Variants in ZC3HAV1 observed in about 807,000 individuals in gnomAD.
The protein encoded by ZC3HAV1 is zinc finger CCCH-type containing, antiviral 1.
In ZC3HAV1, 41 loss-of-function variants were observed where a neutral mutation model predicts 86.6. The observed-to-expected ratio is 0.47, with a 90% CI of 0.37 to 0.61. The LOEUF is 0.61. Among genes scored for constraint, ZC3HAV1 ranks in the 20% least tolerant of loss-of-function variants. ZC3HAV1 has a pLI of 0.00. For synonymous variants in ZC3HAV1, 421 were observed against 432.1 expected (o/e 0.97, Z 0.32); for missense variants, 964 against 1,141.1 (o/e 0.84, Z 2.24).
chr7:139,102,946 A>G (rs1157693870), intron 1 of ZC3HAV1, among the ~76,000 whole-genome samples: 1 of 135,406 alleles, frequency 7.4e-6, no homozygotes, highest in Non-Finnish European at 1.6e-5. Flanking sequence ...ATATATATGT[A>G]TATGTATATG....
At chr7:139,104,214 AC>A (rs1232618501) in intron 1 of ZC3HAV1, among the ~76,000 whole-genome samples, 5 of 133,560 alleles carry the variant, frequency 3.7e-5, no homozygotes, top group African/African-American at 1.1e-4. Flanking sequence ...CCATCTACCC[AC>A]CCCCACCCAA....
chr7:139,096,896 G>A (rs2130729363), intron 1 of ZC3HAV1, among the ~76,000 whole-genome samples: 1 of 152,270 alleles, frequency 6.6e-6, no homozygotes, highest in South Asian at 2.1e-4. Context: ...AGCTTGGGAG[G>A]CTGAGGAGGG....
At chr7:139,073,301 AAAAT>A (rs1216948452) in intron 7 of ZC3HAV1, among the ~76,000 whole-genome samples, 5 of 152,068 alleles carry the variant, frequency 3.3e-5, no homozygotes, top group South Asian at 2.1e-4. Flanking sequence ...CTCCATCTCA[AAAAT>A]AAATAAATAA....
At chr7:139,079,134 G>T (rs1392121654) in intron 4 of ZC3HAV1, 1 of 1,536,058 alleles carries the variant, frequency 6.5e-7, no homozygotes, top group Non-Finnish European at 8.7e-7. Flanking sequence ...TTCCTTGTGA[G>T]CTCGCTGGCA....
At position 139,108,868 on chromosome 7, in the gene ZC3HAV1, G is replaced by T. The variant is rs1190877072; in HGVS notation, c.308+156C>A. 6.6e-6 allele frequency among the ~76,000 whole-genome samples: 1 copy of T among 152,214 alleles called. No homozygotes were observed. The highest frequency in any genetic ancestry group is 1.5e-5 in the Non-Finnish European group (1 of 68,032). On this transcript the variant is annotated intron_variant, in intron 1 of 12. Coordinates refer to ENST00000242351, the MANE Select transcript of ZC3HAV1 (RefSeq NM_020119.4). The surrounding 1 kb of genome is among the most constrained non-coding windows in gnomAD (Gnocchi z 4.2). ...AAGGTAGAAGCGCGGGCCCTGCAGA[G>T]GCTCCCAGAGGGGAGCAGAGAAGGG... is the stretch of plus-strand genomic sequence containing the variant.
Position 139,084,016 on chromosome 7 carries a change from T to G in ZC3HAV1, c.461A>C (p.Lys154Thr). 1 of 1,613,958 alleles carries G rather than the reference T, an allele frequency of 6.2e-7. No homozygotes were observed. Among genetic ancestry groups the G allele is most frequent in the Non-Finnish European group, 8.5e-7 (1 of 1,179,916 alleles). Residue 154 changes from lysine (K) to threonine (T), a missense_variant, in exon 3 of 13, where the codon AAG becomes ACG. Physicochemically the swap from Lys to Thr is moderately conservative, Grantham distance 78. Coordinates refer to ENST00000242351, the MANE Select transcript of ZC3HAV1 (RefSeq NM_020119.4). ...ACAAATCTGCTGCCGACCCTCTCCC[T>G]TATAACTTTTGCATATCTACAGAAG... The part of the protein sequence containing the change: ...FFMPEICKSY[K>T]GEGRQQICNQ...
intron 1 of ZC3HAV1, among the ~76,000 whole-genome samples, chr7:139,106,372 G>T (rs1218186704): frequency 5.3e-5 from 8 of 152,308 alleles, no homozygotes; most frequent in African/African-American, 1.9e-4. Flanking sequence ...CAGCACTTTG[G>T]GAGGCCTAGG....
intron 1 of ZC3HAV1, among the ~76,000 whole-genome samples, chr7:139,101,943 C>T (rs6944860): frequency 0.021 from 3,230 of 151,838 alleles, 108 homozygotes; most frequent in African/African-American, 0.074. Flanking sequence ...GACCTTCCCT[C>T]CACTATTGTC....
intron 3 of ZC3HAV1, among the ~76,000 whole-genome samples, chr7:139,081,710 T>C (rs1038755972): frequency 4.6e-5 from 7 of 152,246 alleles, no homozygotes; most frequent in African/African-American, 1.4e-4. Flanking sequence ...TTTACCCTCT[T>C]AAGTAAGGCT....
At chr7:139,051,895 GTTGTA>G (rs1253698413) in intron 12 of ZC3HAV1, among the ~76,000 whole-genome samples, 1 of 151,894 alleles carries the variant, frequency 6.6e-6, no homozygotes, top group Admixed American at 6.6e-5. Context: ...TTTAATCCTA[GTTGTA>G]TGAGTTGAAC....
chr7:139,078,246 A>G (rs1356391702), intron 5 of ZC3HAV1, among the ~76,000 whole-genome samples: 1 of 152,222 alleles, frequency 6.6e-6, no homozygotes, highest in Admixed American at 6.5e-5. Flanking sequence ...CTCAAAACAA[A>G]CAAACAAAAA....
chr7:139,072,179 C>T (rs1354141957), intron 7 of ZC3HAV1, among the ~76,000 whole-genome samples: 1 of 152,040 alleles, frequency 6.6e-6, no homozygotes, highest in Non-Finnish European at 1.5e-5. Flanking sequence ...GCTGCCATTC[C>T]TTTGTCCCTG....
rs569128799 is a variant in ZC3HAV1 at position 139,051,971 on chromosome 7, T to G, written c.2449+1480A>C. The stretch of plus-strand genomic sequence containing the variant: ...CTAAAGATGACTGATTCTTAGTTTT[T>G]TTTTTGTTTTTTTAATTTTCTAGTT... On this transcript the variant is annotated intron_variant, in intron 12 of 12. Transcript: ENST00000242351. Among the ~76,000 whole-genome samples, 21 of 152,290 alleles carry G rather than the reference T, an allele frequency of 1.4e-4. 1 individual carries two copies. Among genetic ancestry groups the G allele is most frequent in the Admixed American group, 1.0e-3 (16 of 15,302 alleles).
chr7:139,063,034 AAAAAAAAAAAAAAAAAAG>A (rs1305223422), intron 8 of ZC3HAV1, among the ~76,000 whole-genome samples: 1 of 149,226 alleles, frequency 6.7e-6, no homozygotes, highest in African/African-American at 2.4e-5. Context: ...TCTCAAAAAA[AAAAAAAAAAAAAAAAAAG>A]AAAGAAAGAA....
chr7:139,051,073 T>TC (rs1441943349), intron 12 of ZC3HAV1, among the ~76,000 whole-genome samples: 12 of 151,898 alleles, frequency 7.9e-5, no homozygotes, highest in Admixed American at 2.6e-4. Flanking sequence ...TTTTCTTTTT[T>TC]CTTTTTTTTT....
chr7:139,098,367 T>A (rs1381192655), intron 1 of ZC3HAV1, among the ~76,000 whole-genome samples: 1 of 152,240 alleles, frequency 6.6e-6, no homozygotes, highest in Non-Finnish European at 1.5e-5. Flanking sequence ...ATAGAATGTT[T>A]AAATAAATGT....
intron 2 of ZC3HAV1, among the ~76,000 whole-genome samples, chr7:139,087,447 CAGAGAG>C (rs58929440): frequency 0.059 from 8,253 of 138,894 alleles, 243 homozygotes; most frequent in Non-Finnish European, 0.072. Flanking sequence ...GAGACAGAGA[CAGAGAG>C]AGAGAGAGAG....
At chr7:139,050,217 A>G (rs1816083486) in intron 12 of ZC3HAV1, among the ~76,000 whole-genome samples, 1 of 152,054 alleles carries the variant, frequency 6.6e-6, no homozygotes, top group South Asian at 2.1e-4. Context: ...GAAGCTTTTT[A>G]GTTTGATGCT....
intron 7 of ZC3HAV1, among the ~76,000 whole-genome samples, chr7:139,071,508 A>G (rs1816772608): frequency 6.6e-6 from 1 of 152,220 alleles, no homozygotes; most frequent in African/African-American, 2.4e-5. Flanking sequence ...ATCAAGACCT[A>G]TAGCTTATTT....
Sources: gnomAD v4.1 joint callset for allele counts (sites outside exome capture counted in the v4.1 genomes callset) on GRCh38, gnomAD v4.1.1 for gene constraint, Gnocchi (gnomAD v3.1) non-coding constraint, MANE v1.5 for transcripts, NCBI Gene and HGNC (gene_info 2026-07-23, HGNC 2026-07-21) for gene names.